Variants in PDHX observed in about 807,000 individuals in gnomAD.
PDHX encodes pyruvate dehydrogenase complex component X.
Under a neutral mutation model 55.3 loss-of-function variants are expected in PDHX, and 33 were observed. That is an observed-to-expected ratio of 0.60 (90% CI 0.45 to 0.80). The LOEUF is 0.80. Among genes scored for constraint, PDHX ranks in the 30% least tolerant of loss-of-function variants. The pLI is 0.00. For missense variants in PDHX, 622 were observed against 619.9 expected (o/e 1.00, Z -0.04); for synonymous variants, 226 against 219.4 (o/e 1.03, Z -0.27).
chr11:34,922,565 A>C (rs1853909992), intron 1 of PDHX, among the ~76,000 whole-genome samples: 1 of 152,222 alleles, frequency 6.6e-6, no homozygotes, highest in Admixed American at 6.5e-5. Context: ...TTTAAAGTTC[A>C]CCGTGTGTAC....
intron 6 of PDHX, among the ~76,000 whole-genome samples, chr11:34,967,453 A>G (rs1166995202): frequency 1.3e-5 from 2 of 152,216 alleles, no homozygotes; most frequent in Non-Finnish European, 2.9e-5. Context: ...TAAGTGTGAT[A>G]CTAATAATTA....
chr11:34,962,207 A>C (rs569900753), intron 5 of PDHX, among the ~76,000 whole-genome samples: 15 of 152,242 alleles, frequency 9.9e-5, no homozygotes, highest in Non-Finnish European at 1.3e-4. Context: ...CTGGAGCAGA[A>C]AAAGATGAGA....
rs987287745 is a variant in PDHX, at chr11:34,942,594, G to A, written c.242-4912G>A. Among the ~76,000 whole-genome samples the A allele has an allele frequency of 2.2e-4, 34 of 152,156 alleles. 1 individual carries two copies. Among genetic ancestry groups the A allele is most frequent in the Admixed American group, 6.5e-5 (1 of 15,278 alleles). ...TTATAGCACTAAATTTTTGATCACAGCTGAAACTCAGTAGATTTGAAATAT... is the reference window on the plus strand; with the variant it reads ...TTATAGCACTAAATTTTTGATCACAACTGAAACTCAGTAGATTTGAAATAT... On this transcript the variant is annotated intron_variant, in intron 2 of 10. Coordinates refer to ENST00000227868, the MANE Select transcript of PDHX (RefSeq NM_003477.3).
intron 7 of PDHX, among the ~76,000 whole-genome samples, chr11:34,970,511 C>G (rs974906006): frequency 6.6e-6 from 1 of 152,096 alleles, no homozygotes; most frequent in Non-Finnish European, 1.5e-5. Flanking sequence ...ATCACAGATG[C>G]CTTTATGCAG....
intron 1 of PDHX, among the ~76,000 whole-genome samples, chr11:34,928,216 G>A (rs574464193): frequency 1.1e-4 from 17 of 152,132 alleles, no homozygotes; most frequent in African/African-American, 3.9e-4. Context: ...AGTATTTGTC[G>A]TAAATTGGAA....
At chr11:34,931,850 G>A (rs1854183066) in intron 2 of PDHX, among the ~76,000 whole-genome samples, 1 of 139,726 alleles carries the variant, frequency 7.2e-6, no homozygotes, top group South Asian at 2.3e-4. Context: ...GTGTGTGTGT[G>A]TTCTGGGAGG....
intron 5 of PDHX, among the ~76,000 whole-genome samples, chr11:34,961,598 T>C (rs1198444277): frequency 6.6e-6 from 1 of 152,240 alleles, no homozygotes; most frequent in Non-Finnish European, 1.5e-5. Flanking sequence ...AGGCAATGTT[T>C]TCTTTTTTCC....
At chr11:34,931,954 C>G (rs1206970996) in intron 2 of PDHX, among the ~76,000 whole-genome samples, 1 of 151,650 alleles carries the variant, frequency 6.6e-6, no homozygotes, top group Non-Finnish European at 1.5e-5. Context: ...GGGTTGTAGC[C>G]CTGCTAATTA....
intron 9 of PDHX, among the ~76,000 whole-genome samples, chr11:34,987,908 C>G (rs1855684437): frequency 6.6e-6 from 1 of 152,058 alleles, no homozygotes; most frequent in East Asian, 1.9e-4. Flanking sequence ...ATTTTCTGTC[C>G]TGTGCTTTAA....
intron 2 of PDHX, among the ~76,000 whole-genome samples, chr11:34,939,354 T>C (rs1490775658): frequency 6.6e-6 from 1 of 152,240 alleles, no homozygotes; most frequent in Non-Finnish European, 1.5e-5. Flanking sequence ...CTAGTTTACT[T>C]CTAAGCGAAG....
In PDHX at chr11:34,981,619, A is replaced by G. The variant is rs550051601; in HGVS notation, c.1024-2951A>G. 7.0e-3 allele frequency among the ~76,000 whole-genome samples: 1,067 copies of G among 152,256 alleles called. 8 individuals are homozygous for G. The highest frequency in any genetic ancestry group is 0.025 in the African/African-American group (1,037 of 41,554). On this transcript the variant is annotated intron_variant, in intron 8 of 10. Coordinates refer to ENST00000227868, the MANE Select transcript of PDHX (RefSeq NM_003477.3). Reference sequence around the variant, plus strand: ...TGAACTAGTTTACAGTCCCACCAGCAGTGTAAAAGTGTTCCTATTTCTCCA... The same window carrying G: ...TGAACTAGTTTACAGTCCCACCAGCGGTGTAAAAGTGTTCCTATTTCTCCA...
chr11:34,916,039 C>A, upstream of PDHX: 1 of 714,860 alleles, frequency 1.4e-6, no homozygotes, highest in South Asian at 1.9e-5. Context: ...GACCACTGAT[C>A]TCCTGGGGCC....
At chr11:34,984,322 G>A (rs1855593091) in intron 8 of PDHX, among the ~76,000 whole-genome samples, 1 of 152,112 alleles carries the variant, frequency 6.6e-6, no homozygotes. Flanking sequence ...TGATATAAAG[G>A]ATCAAAACAT....
In PDHX at chr11:34,993,289, A is replaced by G. The variant is rs548578560; in HGVS notation, c.1247+910A>G. Among the ~76,000 whole-genome samples, 22 of 152,168 alleles carry G rather than the reference A, an allele frequency of 1.4e-4. No homozygotes were observed. In the East Asian group the frequency reaches 1.5e-3, roughly 11 times the overall value. On this transcript the variant is annotated intron_variant, in intron 10 of 10. Coordinates refer to ENST00000227868, the MANE Select transcript of PDHX (RefSeq NM_003477.3). ...CTCGGTGATTTTTTTAAATGAACGG[A>G]AGTTCTGAGTTTTAATGAATTCCTA...
intron 1 of PDHX, among the ~76,000 whole-genome samples, chr11:34,921,850 G>A (rs757597282): frequency 6.6e-6 from 1 of 152,072 alleles, no homozygotes; most frequent in Non-Finnish European, 1.5e-5. Context: ...ATGAAAGCAG[G>A]GTATTAGAAG....
At chr11:34,941,100 G>A (rs1184006312) in intron 2 of PDHX, among the ~76,000 whole-genome samples, 1 of 152,182 alleles carries the variant, frequency 6.6e-6, no homozygotes, top group Non-Finnish European at 1.5e-5. Flanking sequence ...GGATGTGTGG[G>A]TGGTTGACCT....
At chr11:34,960,239 GT>G (rs1854994443) in intron 4 of PDHX, among the ~76,000 whole-genome samples, 180 bp from the exon 5 acceptor site, 1 of 152,080 alleles carries the variant, frequency 6.6e-6, no homozygotes, top group South Asian at 2.1e-4. Context: ...TTACGAAAGT[GT>G]TTAAAGAATA....
intron 2 of PDHX, 57 bp downstream of exon 2, chr11:34,931,541 G>GTTTT: frequency 2.4e-5 from 18 of 743,918 alleles, no homozygotes; most frequent in Middle Eastern, 2.5e-4. Flanking sequence ...ATTTTGTTTT[G>GTTTT]TTTTTTTTTT....
chr11:34,949,924 T>C (rs1766381003), intron 3 of PDHX, among the ~76,000 whole-genome samples: 1 of 152,160 alleles, frequency 6.6e-6, no homozygotes, highest in African/African-American at 2.4e-5. Flanking sequence ...TTCTAAAAAA[T>C]AGCATCCATG....
Sources: gnomAD v4.1 joint callset for allele counts (sites outside exome capture counted in the v4.1 genomes callset) on GRCh38, gnomAD v4.1.1 for gene constraint, MANE v1.5 for transcripts, NCBI Gene and HGNC (gene_info 2026-07-23, HGNC 2026-07-21) for gene names.